Variants in VGLL1 observed in about 807,000 individuals in gnomAD.
The protein encoded by VGLL1 is vestigial like family member 1.
VGLL1 carries 4 observed loss-of-function variants against 12.0 expected under a neutral mutation model. That is an observed-to-expected ratio of 0.33 (90% CI 0.16 to 0.76). The LOEUF (loss-of-function observed/expected upper bound fraction) is 0.76. Ranked by LOEUF, VGLL1 falls within the 30% of genes least tolerant of loss-of-function variation. The pLI is 0.60. For missense variants in VGLL1, 204 were observed against 208.7 expected (o/e 0.98, Z 0.14); for synonymous variants, 87 against 81.2 (o/e 1.07, Z -0.39).
At chrX:136,539,012 T>A (rs2075848433) in intron 2 of VGLL1, among the ~76,000 whole-genome samples, 1 of 111,154 alleles carries the variant, frequency 9.0e-6, no homozygotes, top group African/African-American at 3.3e-5. Flanking sequence ...GGGATTGACA[T>A]GTGGTAAGAG....
chrX:136,538,459 A>G (rs1459141563), intron 2 of VGLL1, among the ~76,000 whole-genome samples: 1 of 112,411 alleles, frequency 8.9e-6, no homozygotes, highest in East Asian at 2.8e-4. Flanking sequence ...TGGAGAAGTC[A>G]CCCTCGCCAG....
At chrX:136,541,730 T>C (rs2075856598) in intron 2 of VGLL1, among the ~76,000 whole-genome samples, 1 of 111,919 alleles carries the variant, frequency 8.9e-6, no homozygotes, top group Non-Finnish European at 1.9e-5. Flanking sequence ...TCGCCCACAT[T>C]CTAAGGGCTC....
intron 4 of VGLL1, among the ~76,000 whole-genome samples, chrX:136,551,169 A>C (rs767718174): frequency 9.1e-6 from 1 of 110,148 alleles, no homozygotes; most frequent in Admixed American, 9.7e-5. Context: ...ATTCATGAGG[A>C]TGAGGATTAG....
At chrX:136,549,738 C>T (rs1221623691) in intron 3 of VGLL1, among the ~76,000 whole-genome samples, 1 of 111,721 alleles carries the variant, frequency 9.0e-6, no homozygotes, top group Non-Finnish European at 1.9e-5. Context: ...ACAAGGCTCC[C>T]TTCTTTGTAA....
At chrX:136,550,474 A>T in intron 3 of VGLL1, 1 of 230,259 alleles carries the variant, frequency 4.3e-6, no homozygotes, top group Non-Finnish European at 7.6e-6. Flanking sequence ...ACAAATGGTT[A>T]TCACCAAGGT....
At chrX:136,554,652 A>T (rs1276196534) in intron 4 of VGLL1, among the ~76,000 whole-genome samples, 1 of 112,043 alleles carries the variant, frequency 8.9e-6, no homozygotes, top group African/African-American at 3.2e-5. Flanking sequence ...GCATGAGAGG[A>T]TGATAGCCTG....
At chrX:136,537,143 G>A (rs1356070068) in intron 2 of VGLL1, among the ~76,000 whole-genome samples, 3 of 112,098 alleles carry the variant, frequency 2.7e-5, no homozygotes, top group Non-Finnish European at 3.8e-5. Context: ...GCCAAGGCAA[G>A]AGGATCACTT....
chrX:136,543,014 A>T (rs2075860577), intron 2 of VGLL1, among the ~76,000 whole-genome samples: 2 of 111,999 alleles, frequency 1.8e-5, no homozygotes, highest in African/African-American at 6.5e-5. Context: ...AGGCTCAGAC[A>T]GTCAAGTGAC....
In VGLL1 at chrX:136,548,584, C is replaced by G; in HGVS notation, c.215-5C>G. ...TAACATGTCTTCTAAATCTTTCCTT[C>G]TCAGATGATAGCATGTCTCCAAATC... On this transcript the variant is annotated splice_polypyrimidine_tract_variant and splice_region_variant and intron_variant, in intron 2 of 4. Coordinates refer to ENST00000370634, the MANE Select transcript of VGLL1 (RefSeq NM_016267.4). 1 of 1,205,949 alleles carries G rather than the reference C, an allele frequency of 8.3e-7. No homozygotes were observed. Among genetic ancestry groups the G allele is most frequent in the Non-Finnish European group, 1.1e-6 (1 of 890,946 alleles).
At chrX:136,542,978 T>C (rs746373972) in intron 2 of VGLL1, among the ~76,000 whole-genome samples, 5 of 112,033 alleles carry the variant, frequency 4.5e-5, no homozygotes, top group Non-Finnish European at 1.9e-5. Context: ...GTTAACTCTA[T>C]GTCCATTTTC....
chrX:136,543,608 A>G (rs1341359028), intron 2 of VGLL1, among the ~76,000 whole-genome samples: 1 of 110,506 alleles, frequency 9.0e-6, no homozygotes, highest in Non-Finnish European at 1.9e-5. Flanking sequence ...ATATTTAAAA[A>G]TTGTCCAGGT....
At position 136,535,887 on chromosome X, in the gene VGLL1, C is replaced by T. The variant is rs2075838228; in HGVS notation, c.-25-109C>T. 4 of 598,312 alleles carry T rather than the reference C, an allele frequency of 6.7e-6. No individual in the cohort carries two copies. The South Asian group carries it at 8.6e-5, about 13-fold the overall frequency. The allele number at this position is 598,312 out of a possible 1,213,427, so 49.3% of individuals were successfully genotyped here. ...TGGCTCCCTGGGGCCCCAGTGAGCA[C>T]GTGTACCTGGTGGGAGCAAATTGCT... On this transcript the variant is annotated intron_variant, in intron 1 of 4. Coordinates refer to ENST00000370634, the MANE Select transcript of VGLL1 (RefSeq NM_016267.4).
At chrX:136,556,288 C>A (rs762656723) in intron 4 of VGLL1, among the ~76,000 whole-genome samples, 163 bp from the exon 5 acceptor site, 1 of 111,724 alleles carries the variant, frequency 9.0e-6, no homozygotes, top group East Asian at 2.8e-4. Flanking sequence ...GTATCCAGAG[C>A]ATTTCTTGGA....
intron 4 of VGLL1, 115 bp downstream of exon 4, chrX:136,550,936 A>G (rs1310642934): frequency 3.2e-6 from 2 of 630,789 alleles, no homozygotes; most frequent in East Asian, 6.7e-5. Flanking sequence ...CAGAGTCTCC[A>G]GTAATGGACG....
At chrX:136,536,470 C>A (rs746060060) in intron 2 of VGLL1, among the ~76,000 whole-genome samples, 2 of 111,413 alleles carry the variant, frequency 1.8e-5, no homozygotes, top group African/African-American at 3.3e-5. Context: ...TCCTTCTGTC[C>A]GTCATGTTCG....
At chrX:136,534,932 T>TA (rs888805504) in intron 1 of VGLL1, among the ~76,000 whole-genome samples, 1 of 111,978 alleles carries the variant, frequency 8.9e-6, no homozygotes, top group African/African-American at 3.3e-5. Context: ...GAGAGAAAGA[T>TA]AGTCTATTAA....
intron 4 of VGLL1, among the ~76,000 whole-genome samples, chrX:136,554,952 G>A (rs1569363401): frequency 8.9e-6 from 1 of 112,165 alleles, no homozygotes; most frequent in Non-Finnish European, 1.9e-5. Flanking sequence ...GTACATAAGT[G>A]GTATTTAAGG....
rs772818940 is a variant in VGLL1 at position 136,548,960 on chromosome X, G to C, written c.586G>C (p.Ala196Pro). The C allele has an allele frequency of 4.9e-5, 59 of 1,210,531 alleles. No individual in the cohort carries two copies. Among genetic ancestry groups the C allele is most frequent in the Non-Finnish European group, 5.9e-5 (53 of 895,310 alleles). Reference protein sequence around the residue: ...ARENGNPGQIAGSTGLLFNLP... With the variant: ...ARENGNPGQIPGSTGLLFNLP... ...GGAGAATGGCAACCCTGGCCAGATA[G>C]CTGGAAGCACAGGGTTGCTCTTCAA... Residue 196 changes from alanine (A) to proline (P), a missense_variant, in exon 3 of 5, where the codon GCT becomes CCT. Transcript: ENST00000370634.
intron 4 of VGLL1, among the ~76,000 whole-genome samples, chrX:136,552,394 T>TA (rs752455432): frequency 8.9e-6 from 1 of 112,215 alleles, no homozygotes; most frequent in East Asian, 2.8e-4. Flanking sequence ...GCTGGCCTTC[T>TA]AACTTATGAA....
Sources: allele counts gnomAD v4.1 joint callset (sites outside exome capture counted in the v4.1 genomes callset), GRCh38; gene constraint gnomAD v4.1.1; transcripts MANE v1.5; gene names NCBI Gene and HGNC (gene_info 2026-07-23, HGNC 2026-07-21).